Variants in SLC5A4 observed in about 807,000 individuals in gnomAD.
SLC5A4 encodes probable glucose sensor protein SLC5A4.
Under a neutral mutation model 70.3 loss-of-function variants are expected in SLC5A4, and 55 were observed. That is an observed-to-expected ratio of 0.78 (90% CI 0.63 to 0.98). The LOEUF (loss-of-function observed/expected upper bound fraction) is 0.98. SLC5A4 is among the 50% of genes least tolerant of loss of function. The pLI is 0.00. For synonymous variants in SLC5A4, 268 were observed against 305.7 expected (o/e 0.88, Z 1.29); for missense variants, 735 against 839.2 (o/e 0.88, Z 1.53).
intron 4 of SLC5A4, 35 bp from the exon 5 acceptor site, chr22:32,247,550 C>A (rs200355067): frequency 7.6e-7 from 1 of 1,318,838 alleles, no homozygotes; most frequent in Admixed American, 1.7e-5. Context: ...ACTTAACTTA[C>A]CCTTAGGGCC....
Position 32,251,833 on chromosome 22 carries a change from G to C in SLC5A4, c.249C>G (p.His83Gln). The C allele has an allele frequency of 6.2e-7, 1 of 1,614,086 alleles. No homozygotes were observed. The highest frequency in any genetic ancestry group is 8.5e-7 in the Non-Finnish European group (1 of 1,179,938). Residue 83 changes from histidine to glutamine, a missense_variant, in exon 3 of 15, where the codon CAC (histidine) becomes CAG (glutamine). Transcript: ENST00000266086. ...CTCCTGTCCCAGCCAGCCCCACATA[G>C]TGGTTGCTGCCGATGTTACTGGCAA... The part of the protein sequence containing the change: ...SLFASNIGSN[H>Q]YVGLAGTGAA...
intron 6 of SLC5A4, 115 bp from the exon 7 acceptor site, chr22:32,237,439 C>G: frequency 1.5e-6 from 1 of 653,222 alleles, no homozygotes; most frequent in Non-Finnish European, 2.6e-6. Flanking sequence ...TAGAAGACAT[C>G]AAAAGCTCCT....
the SLC5A4 span, among the ~76,000 whole-genome samples, chr22:32,350,013 G>A: frequency 6.6e-6 from 1 of 152,096 alleles, no homozygotes; most frequent in Non-Finnish European, 1.5e-5. Flanking sequence ...GCTAAAGCAA[G>A]GCAAAACAAA....
the SLC5A4 span, among the ~76,000 whole-genome samples, chr22:32,287,678 G>A: frequency 6.7e-6 from 1 of 150,118 alleles, no homozygotes; most frequent in Admixed American, 6.7e-5. Context: ...TAGAGATGGG[G>A]TTTCATAATA....
At chr22:32,313,822 G>A in the SLC5A4 span, among the ~76,000 whole-genome samples, 4 of 49,384 alleles carry the variant, frequency 8.1e-5, no homozygotes, top group African/African-American at 3.1e-4. Flanking sequence ...CATAAATCCA[G>A]GGGAAGATGA....
intron 5 of SLC5A4, among the ~76,000 whole-genome samples, chr22:32,241,579 T>C (rs1166271445): frequency 6.6e-6 from 1 of 152,196 alleles, no homozygotes; most frequent in Non-Finnish European, 1.5e-5. Flanking sequence ...GCACAGTGGC[T>C]CATGCCTGTA....
chr22:32,234,185 G>A (rs1282708646), intron 8 of SLC5A4, among the ~76,000 whole-genome samples: 1 of 152,194 alleles, frequency 6.6e-6, no homozygotes, highest in Non-Finnish European at 1.5e-5. Context: ...TCTAGATAGG[G>A]TTATAGGGTC....
chr22:32,229,442 G>C, intron 10 of SLC5A4, 98 bp from the exon 11 acceptor site: 1 of 1,271,946 alleles, frequency 7.9e-7, no homozygotes, highest in Non-Finnish European at 1.1e-6. Context: ...CTGGAACATA[G>C]GTTAACTGAT....
At chr22:32,343,929 T>C in the SLC5A4 span, among the ~76,000 whole-genome samples, 1 of 152,198 alleles carries the variant, frequency 6.6e-6, no homozygotes, top group South Asian at 2.1e-4. Flanking sequence ...AAGTCTTTAG[T>C]GTATATCTCC....
intron 11 of SLC5A4, among the ~76,000 whole-genome samples, chr22:32,227,194 T>C (rs1925454159): frequency 6.6e-6 from 1 of 152,186 alleles, no homozygotes; most frequent in Non-Finnish European, 1.5e-5. Context: ...TGTGAGATAG[T>C]AGACATTTGA....
chr22:32,290,383 G>C, the SLC5A4 span, among the ~76,000 whole-genome samples: 1 of 152,062 alleles, frequency 6.6e-6, no homozygotes, highest in African/African-American at 2.4e-5. Flanking sequence ...TGAGAACGAT[G>C]GTTTCCAGCT....
In SLC5A4 at chr22:32,218,647, G is replaced by T. The variant is rs1428205368; in HGVS notation, c.1847C>A (p.Thr616Asn). 1 of 1,613,912 alleles carries T rather than the reference G, an allele frequency of 6.2e-7. No homozygotes were observed. The highest frequency in any genetic ancestry group is 1.1e-5 in the South Asian group (1 of 91,066). ...FCGLQKGPKL[T>N]KEEEEALSKK... Reference sequence around the variant, plus strand: ...GCTCAAGGCTTCCTCCTCCTCCTTGGTTAGCTTGGGTCCCTTCTGCAAACC... The same window carrying T: ...GCTCAAGGCTTCCTCCTCCTCCTTGTTTAGCTTGGGTCCCTTCTGCAAACC... Residue 616 changes from threonine to asparagine, a missense_variant, in exon 15 of 15, where the codon ACC (threonine) becomes AAC (asparagine). Thr to Asn is a moderately conservative substitution (Grantham distance 65). Transcript: ENST00000266086.
rs1926323777 is a variant in SLC5A4, at chr22:32,239,554, ATATATATATATATATTTATATATATATT to A, written c.478-492_478-465del. Among the ~76,000 whole-genome samples, 2 of 16,854 alleles carry A rather than the reference ATATATATATATATATTTATATATATATT, an allele frequency of 1.2e-4. 1 individual carries two copies. Among genetic ancestry groups the A allele is most frequent in the African/African-American group, 8.9e-4 (2 of 2,240 alleles). 11.1% of individuals were successfully genotyped at this position (16,854 alleles called of 152,430 possible). A position where few individuals can be genotyped will look rare whatever the true frequency, so the allele number is the denominator to read the frequency against. On this transcript the variant is annotated intron_variant, in intron 5 of 14. Coordinates refer to ENST00000266086, the MANE Select transcript of SLC5A4 (RefSeq NM_014227.3). ...TATATATATATATATATATATATAT[ATATATATATATATATTTATATATATATT>A]TATATATATATAAATTATATAAAAT...
At chr22:32,239,500 C>A (rs1926260807) in intron 5 of SLC5A4, among the ~76,000 whole-genome samples, 2 of 107,318 alleles carry the variant, frequency 1.9e-5, no homozygotes, top group South Asian at 3.7e-4. Flanking sequence ...TCACTGCACT[C>A]CAGCCTGGGA....
At position 32,248,772 on chromosome 22, in the gene SLC5A4, T is replaced by A; in HGVS notation, c.343A>T (p.Ile115Phe). 1 of 1,613,328 alleles carries A rather than the reference T, an allele frequency of 6.2e-7. No individual in the cohort carries two copies. The highest frequency in any genetic ancestry group is 8.5e-7 in the Non-Finnish European group (1 of 1,179,348). Residue 115 changes from isoleucine to phenylalanine, a missense_variant, in exon 4 of 15, where the codon ATC becomes TTC. By Grantham distance (21) the Ile-to-Phe change is conservative. Coordinates refer to ENST00000266086, the MANE Select transcript of SLC5A4 (RefSeq NM_014227.3). The stretch of plus-strand genomic sequence containing the variant: ...GACTTGATGTAGATAGGGACAAAGA[T>A]CCACCCAAGAATCAGCAACATTACT... ...SSVMLLILGW[I>F]FVPIYIKSGV... is the part of the protein sequence containing the mutation.
intron 5 of SLC5A4, among the ~76,000 whole-genome samples, chr22:32,244,641 C>T (rs1236201233): frequency 6.6e-6 from 1 of 152,190 alleles, no homozygotes; most frequent in African/African-American, 2.4e-5. Flanking sequence ...AGTGATCCTT[C>T]TGCCTCAGCC....
At chr22:32,329,860 G>A in the SLC5A4 span, among the ~76,000 whole-genome samples, 2 of 52,942 alleles carry the variant, frequency 3.8e-5, no homozygotes, top group Non-Finnish European at 3.3e-5. Context: ...TGGGGGCTCT[G>A]GTGTGTGTGT....
the SLC5A4 span, among the ~76,000 whole-genome samples, chr22:32,300,465 C>T: frequency 6.6e-6 from 1 of 152,294 alleles, no homozygotes; most frequent in South Asian, 2.1e-4. Context: ...AGAAAGGGCA[C>T]TCCCTGACCC....
chr22:32,239,518 T>TTTTATATATATATA (rs1455543266), intron 5 of SLC5A4, among the ~76,000 whole-genome samples: 2 of 25,230 alleles, frequency 7.9e-5, no homozygotes, highest in Non-Finnish European at 1.4e-4. Context: ...GGAGTGCATA[T>TTTTATATATATATA]TATATATATA....
Sources: allele counts gnomAD v4.1 joint callset (sites outside exome capture counted in the v4.1 genomes callset), GRCh38; gene constraint gnomAD v4.1.1; transcripts MANE v1.5; gene names NCBI Gene and HGNC (gene_info 2026-07-23, HGNC 2026-07-21).